Variants in PDZRN4 observed in about 807,000 individuals in gnomAD.
The protein encoded by PDZRN4 is PDZ domain containing ring finger 4.
A neutral mutation model predicts 99.0 loss-of-function variants in PDZRN4; 70 were observed. The observed-to-expected ratio is 0.71, with a 90% CI of 0.58 to 0.86. PDZRN4 has a LOEUF of 0.86. Ranked by LOEUF, PDZRN4 falls within the 40% of genes least tolerant of loss-of-function variation. The pLI is 0.00. For synonymous variants in PDZRN4, 551 were observed against 501.6 expected, an observed-to-expected ratio of 1.10 and a Z score of -1.32; for missense variants, 1,474 against 1,331.2, an observed-to-expected ratio of 1.11 and a Z score of -1.67.
chr12:41,573,812 A>G lies in PDZRN4; in HGVS notation c.3033A>G (p.Gln1011=). 1 of 1,612,538 alleles carries G rather than the reference A, an allele frequency of 6.2e-7. No individual in the cohort carries two copies. The highest frequency in any genetic ancestry group is 8.5e-7 in the Non-Finnish European group (1 of 1,179,316). Residue 1011 remains glutamine (Q), a synonymous_variant, in exon 10 of 10, where the codon CAA becomes CAG. Coordinates refer to ENST00000402685, the MANE Select transcript of PDZRN4 (RefSeq NM_001164595.2). ...KKILDNWMTI[Q]ELMTHGAKSP... is the part of the protein sequence containing the mutation. ...TTTTGGACAACTGGATGACAATCCAAGAACTGATGACCCATGGGGCCAAGT... is the reference window on the plus strand; with the variant it reads ...TTTTGGACAACTGGATGACAATCCAGGAACTGATGACCCATGGGGCCAAGT...
intron 3 of PDZRN4, among the ~76,000 whole-genome samples, chr12:41,216,425 G>A (rs1950921282): frequency 6.6e-6 from 1 of 151,896 alleles, no homozygotes; most frequent in South Asian, 2.1e-4. Context: ...TGAACGATGG[G>A]TAGGATTTTA....
At chr12:41,423,965 G>A (rs1342987689) in intron 3 of PDZRN4, among the ~76,000 whole-genome samples, 1 of 152,124 alleles carries the variant, frequency 6.6e-6, no homozygotes, top group Non-Finnish European at 1.5e-5. Flanking sequence ...TTGTAGGGTT[G>A]GAATTTAAGC....
chr12:41,303,397 G>A (rs573575953), intron 3 of PDZRN4, among the ~76,000 whole-genome samples: 10 of 152,226 alleles, frequency 6.6e-5, no homozygotes, highest in African/African-American at 2.2e-4. Flanking sequence ...TACGGGCTTC[G>A]CAGAAGTTTT....
chr12:41,331,134 A>G (rs554720385), intron 3 of PDZRN4, among the ~76,000 whole-genome samples: 3 of 152,142 alleles, frequency 2.0e-5, no homozygotes, highest in African/African-American at 7.2e-5. Flanking sequence ...TGAAGCAATC[A>G]TAATAAATTC....
chr12:41,400,099 G>T (rs897478817), intron 3 of PDZRN4, among the ~76,000 whole-genome samples: 1 of 152,170 alleles, frequency 6.6e-6, no homozygotes, highest in African/African-American at 2.4e-5. Context: ...GCAGTCATCA[G>T]ATAACTCAGG....
rs1950710432 is a variant in PDZRN4, at chr12:41,188,650, C to A, written c.195C>A (p.Tyr65Ter). ...QCQPLAPGEL[Y>*]RVLPLRSLIQ... ...AGCCCTTGGCGCCCGGCGAGCTGTACCGGGTGCTGCCGCTGCGCAGCCTCA... is the reference window on the plus strand; with the variant it reads ...AGCCCTTGGCGCCCGGCGAGCTGTAACGGGTGCTGCCGCTGCGCAGCCTCA... The change falls in exon 1 of 10, where the codon TAC (tyrosine) becomes TAA (stop). Residue 65 changes from tyrosine to a stop codon, truncating the protein, a stop_gained. Coordinates refer to ENST00000402685, the MANE Select transcript of PDZRN4 (RefSeq NM_001164595.2). LOFTEE classifies it high-confidence loss of function. 1 of 1,543,848 alleles carries A rather than the reference C, an allele frequency of 6.5e-7. No homozygotes were observed. The highest frequency in any genetic ancestry group is 1.4e-5 in the African/African-American group (1 of 73,260).
At chr12:41,545,066 C>A (rs1192443266) in intron 5 of PDZRN4, among the ~76,000 whole-genome samples, 1 of 152,238 alleles carries the variant, frequency 6.6e-6, no homozygotes, top group African/African-American at 2.4e-5. Context: ...TTAATCCCTC[C>A]AACTCACCCA....
chr12:41,214,349 A>G (rs1292043534), intron 3 of PDZRN4, among the ~76,000 whole-genome samples: 1 of 141,968 alleles, frequency 7.0e-6, no homozygotes, highest in Non-Finnish European at 1.5e-5. Flanking sequence ...GGATCACTTG[A>G]GCTCAGGAGT....
At chr12:41,514,094 A>G (rs1008546996) in intron 5 of PDZRN4, among the ~76,000 whole-genome samples, 17 of 152,096 alleles carry the variant, frequency 1.1e-4, no homozygotes, top group African/African-American at 3.6e-4. Context: ...AAGCCAAAAA[A>G]ATTTAGAACT....
chr12:41,272,358 TA>T (rs1317870361), intron 3 of PDZRN4, among the ~76,000 whole-genome samples: 8 of 152,050 alleles, frequency 5.3e-5, no homozygotes, highest in African/African-American at 1.9e-4. Flanking sequence ...GATCTTCAAA[TA>T]AAATATTCTT....
chr12:41,317,550 A>G (rs1375006182), intron 3 of PDZRN4, among the ~76,000 whole-genome samples: 1 of 152,170 alleles, frequency 6.6e-6, no homozygotes, highest in South Asian at 2.1e-4. Context: ...TTGACCCATA[A>G]AATTAACCAT....
intron 5 of PDZRN4, among the ~76,000 whole-genome samples, chr12:41,531,812 A>C (rs1275046153): frequency 6.6e-6 from 1 of 152,018 alleles, no homozygotes; most frequent in Non-Finnish European, 1.5e-5. Flanking sequence ...TTTACTTTTT[A>C]GCTCTTTATA....
chr12:41,261,990 C>T (rs2120833276), intron 3 of PDZRN4, among the ~76,000 whole-genome samples: 1 of 152,170 alleles, frequency 6.6e-6, no homozygotes, highest in African/African-American at 2.4e-5. Context: ...AGCCTGAAGT[C>T]CTGAAGATGG....
At chr12:41,243,730 C>A (rs1951115564) in intron 3 of PDZRN4, among the ~76,000 whole-genome samples, 1 of 152,086 alleles carries the variant, frequency 6.6e-6, no homozygotes, top group Non-Finnish European at 1.5e-5. Context: ...TTTTTCATTT[C>A]TCTATGGGAT....
chr12:41,391,359 T>C (rs575876363), intron 3 of PDZRN4, among the ~76,000 whole-genome samples: 1 of 152,186 alleles, frequency 6.6e-6, no homozygotes, highest in Non-Finnish European at 1.5e-5. Context: ...TTTGATTCCC[T>C]TCCAGGGAGG....
intron 3 of PDZRN4, among the ~76,000 whole-genome samples, chr12:41,233,359 C>A (rs1161121111): frequency 6.6e-6 from 1 of 152,082 alleles, no homozygotes; most frequent in Non-Finnish European, 1.5e-5. Context: ...ACTAGTTCAA[C>A]CATTGTTGGA....
chr12:41,218,946 G>A (rs990792986), intron 3 of PDZRN4, among the ~76,000 whole-genome samples: 6 of 149,384 alleles, frequency 4.0e-5, no homozygotes, highest in East Asian at 1.9e-4. Context: ...ATTCCTAGAT[G>A]TAGGAATATT....
At chr12:41,521,097 C>T (rs189361564) in intron 5 of PDZRN4, among the ~76,000 whole-genome samples, 116 of 152,216 alleles carry the variant, frequency 7.6e-4, no homozygotes, top group Non-Finnish European at 7.2e-4. Flanking sequence ...ATTCACCAGC[C>T]GAAGTTAAAA....
chr12:41,228,958 A>C (rs920595419), intron 3 of PDZRN4, among the ~76,000 whole-genome samples: 7 of 151,958 alleles, frequency 4.6e-5, no homozygotes, highest in African/African-American at 1.7e-4. Flanking sequence ...ATGGGATTTA[A>C]CGCTTAGATT....
Sources: allele counts gnomAD v4.1 joint callset (sites outside exome capture counted in the v4.1 genomes callset), GRCh38; gene constraint gnomAD v4.1.1; transcripts MANE v1.5; gene names NCBI Gene and HGNC (gene_info 2026-07-23, HGNC 2026-07-21).